The following RORA variants were observed in gnomAD, a reference collection of about 807,000 sequenced individuals.
The protein encoded by RORA is nuclear receptor ROR-alpha.
Under a neutral mutation model 69.5 loss-of-function variants are expected in RORA, and 7 were observed. That is an observed-to-expected ratio of 0.10 (90% CI 0.06 to 0.19). The LOEUF is 0.19. Ranked by LOEUF, RORA falls within the 10% of genes least tolerant of loss-of-function variation. The pLI is 1.00. For synonymous variants in RORA, 261 were observed against 240.8 expected (o/e 1.08, Z -0.78); for missense variants, 457 against 663.0 (o/e 0.69, Z 3.41).
At chr15:61,026,097 T>G (rs1006597381) in intron 1 of RORA, among the ~76,000 whole-genome samples, 7 of 152,238 alleles carry the variant, frequency 4.6e-5, no homozygotes, top group Non-Finnish European at 8.8e-5. Flanking sequence ...TCTGATTACA[T>G]GCAAAATGGA....
At chr15:61,159,540 C>A (rs1370680586) in intron 1 of RORA, among the ~76,000 whole-genome samples, 2 of 152,128 alleles carry the variant, frequency 1.3e-5, no homozygotes, top group Admixed American at 6.6e-5. Context: ...AGATGCTGAT[C>A]TTTTTTTATA....
chr15:61,005,492 C>T (rs139113320), intron 1 of RORA, among the ~76,000 whole-genome samples: 2 of 152,148 alleles, frequency 1.3e-5, no homozygotes, highest in African/African-American at 4.8e-5. Context: ...AAAATAAAAA[C>T]AAAAGTTATG....
chr15:60,679,543 C>G (rs778398816), intron 1 of RORA, among the ~76,000 whole-genome samples: 3 of 152,138 alleles, frequency 2.0e-5, no homozygotes, highest in Non-Finnish European at 4.4e-5. Flanking sequence ...TAAGTAGGCT[C>G]AAAGTCATAA....
At chr15:60,964,652 C>T (rs1365027297) in intron 1 of RORA, among the ~76,000 whole-genome samples, 1 of 151,736 alleles carries the variant, frequency 6.6e-6, no homozygotes, top group Non-Finnish European at 1.5e-5. Context: ...GCCAGCAAGA[C>T]TTGGGGTGAG....
chr15:60,609,716 C>A (rs564353748), intron 2 of RORA, among the ~76,000 whole-genome samples: 1 of 152,290 alleles, frequency 6.6e-6, no homozygotes, highest in Admixed American at 6.5e-5. Flanking sequence ...CATCCTATCA[C>A]CAAAGTGGTT....
At chr15:61,070,907 CA>C (rs1324731053) in intron 1 of RORA, among the ~76,000 whole-genome samples, 1 of 151,970 alleles carries the variant, frequency 6.6e-6, no homozygotes, top group African/African-American at 2.4e-5. Context: ...TTCCAAGTTA[CA>C]AAAAACTGGG....
At chr15:61,030,041 T>C (rs1896067685) in intron 1 of RORA, among the ~76,000 whole-genome samples, 1 of 152,110 alleles carries the variant, frequency 6.6e-6, no homozygotes, top group South Asian at 2.1e-4. Context: ...AACTGCATAA[T>C]TGGAATCTCA....
At chr15:61,052,667 CTG>C (rs1019152539) in intron 1 of RORA, among the ~76,000 whole-genome samples, 1 of 152,202 alleles carries the variant, frequency 6.6e-6, no homozygotes, top group African/African-American at 2.4e-5. Context: ...CATTTTGAGA[CTG>C]AGTAGTTGGT....
chr15:61,054,991 C>A (rs1276250714), intron 1 of RORA, among the ~76,000 whole-genome samples: 1 of 151,906 alleles, frequency 6.6e-6, no homozygotes, highest in African/African-American at 2.4e-5. Context: ...TGCACACCAC[C>A]ACGTCTGGCT....
chr15:60,822,300 A>G (rs571071958), intron 1 of RORA, among the ~76,000 whole-genome samples: 2 of 152,304 alleles, frequency 1.3e-5, no homozygotes, highest in African/African-American at 4.8e-5. Flanking sequence ...CAAGGTCTCT[A>G]CTTCACCAGA....
chr15:60,500,934 T>A (rs1289787188), intron 9 of RORA, 25 bp downstream of exon 9: 1 of 1,338,192 alleles, frequency 7.5e-7, no homozygotes, highest in East Asian at 2.3e-5. Flanking sequence ...CGAAAACCAT[T>A]TTTATTTTTA....
chr15:60,722,372 T>TGC (rs2071304926), intron 1 of RORA, among the ~76,000 whole-genome samples: 1 of 152,244 alleles, frequency 6.6e-6, no homozygotes, highest in Non-Finnish European at 1.5e-5. Context: ...AGCAGCACCC[T>TGC]TCCCCCATCA....
chr15:61,199,647 T>G (rs1265980507), intron 1 of RORA, among the ~76,000 whole-genome samples: 1 of 152,120 alleles, frequency 6.6e-6, no homozygotes, highest in Non-Finnish European at 1.5e-5. Context: ...GTCACACAGA[T>G]AGAAGGTGAA....
chr15:60,755,797 G>T (rs2071794284), intron 1 of RORA, among the ~76,000 whole-genome samples: 1 of 152,144 alleles, frequency 6.6e-6, no homozygotes, highest in East Asian at 1.9e-4. Flanking sequence ...CTCATCTCCT[G>T]TTTGTTCCCT....
In RORA at chr15:60,816,048, A is replaced by C. The variant is rs34533888; in HGVS notation, c.167-137362T>G. On this transcript the variant is annotated intron_variant, in intron 1 of 10. Transcript: ENST00000335670. ...CTATATATAGTATATATACTATAAAAACTATATGTATTTATATACTATAAA... is the reference window on the plus strand; with the variant it reads ...CTATATATAGTATATATACTATAAACACTATATGTATTTATATACTATAAA... Among the ~76,000 whole-genome samples the C allele has an allele frequency of 1.7e-3, 221 of 131,468 alleles. 12 individuals are homozygous for C. The highest frequency in any genetic ancestry group is 0.01 in the Middle Eastern group (2 of 200). 86.2% of individuals were successfully genotyped at this position (131,468 alleles called of 152,430 possible).
chr15:61,107,528 G>A (rs1321698461), intron 1 of RORA, among the ~76,000 whole-genome samples: 1 of 152,048 alleles, frequency 6.6e-6, no homozygotes, highest in East Asian at 1.9e-4. Flanking sequence ...GGTTCTCTTT[G>A]TTTAAAATAG....
At chr15:60,717,603 T>C (rs17303111) in intron 1 of RORA, among the ~76,000 whole-genome samples, 43,553 of 151,970 alleles carry the variant, frequency 0.29, 6,794 homozygotes, top group East Asian at 0.65. Flanking sequence ...CACTCCTAAA[T>C]TGGTATATTT....
chr15:60,594,891 G>C (rs967413385), intron 2 of RORA, among the ~76,000 whole-genome samples: 1 of 152,208 alleles, frequency 6.6e-6, no homozygotes, highest in Non-Finnish European at 1.5e-5. Flanking sequence ...CAGAATTTCA[G>C]ATATGAAGTC....
intron 1 of RORA, among the ~76,000 whole-genome samples, chr15:61,080,980 G>A (rs574585759): frequency 4.5e-4 from 69 of 152,290 alleles, no homozygotes; most frequent in African/African-American, 1.5e-3. Flanking sequence ...CTGTCTGGCC[G>A]GTGCCTCTCC....
Sources: allele counts gnomAD v4.1 joint callset (sites outside exome capture counted in the v4.1 genomes callset), GRCh38; gene constraint gnomAD v4.1.1; transcripts MANE v1.5; gene names NCBI Gene and HGNC (gene_info 2026-07-23, HGNC 2026-07-21).